Variants in OR9Q1 observed in about 807,000 individuals in gnomAD.
The protein encoded by OR9Q1 is olfactory receptor family 9 subfamily Q member 1.
For synonymous variants in OR9Q1, 153 were observed against 148.6 expected (o/e 1.03, Z -0.22); for missense variants, 374 against 378.8 (o/e 0.99, Z 0.11).
chr11:58,106,323 G>T (rs996715923), intron 2 of OR9Q1, among the ~76,000 whole-genome samples: 2 of 151,760 alleles, frequency 1.3e-5, no homozygotes, highest in African/African-American at 2.4e-5. Context: ...CAGTTCCTTT[G>T]TCCATTTTTT....
In OR9Q1 at chr11:58,154,057, G is replaced by C. The variant is rs140662862; in HGVS notation, c.-14-25374G>C. 7.0e-3 allele frequency among the ~76,000 whole-genome samples: 1,063 copies of C among 151,890 alleles called. 11 individuals are homozygous for C. Among genetic ancestry groups the C allele is most frequent in the African/African-American group, 0.019 (771 of 41,388 alleles). The stretch of plus-strand genomic sequence containing the variant: ...ATTTAAAGAAGTGACAATGGAGAGA[G>C]ACAGAGAGGGAGAGAGCGAGAGAAG... On this transcript the variant is annotated intron_variant, in intron 2 of 2. Transcript: ENST00000335397.
At chr11:58,131,331 T>A (rs1316827728) in intron 2 of OR9Q1, among the ~76,000 whole-genome samples, 1 of 152,188 alleles carries the variant, frequency 6.6e-6, no homozygotes, top group Non-Finnish European at 1.5e-5. Context: ...GCTGTTAGTG[T>A]TAGACACAGC....
chr11:58,054,023 G>A (rs1853302530), intron 1 of OR9Q1, among the ~76,000 whole-genome samples: 1 of 152,136 alleles, frequency 6.6e-6, no homozygotes. Flanking sequence ...TATGGGTGGT[G>A]ATGGATGTGT....
At chr11:58,179,018 G>C (rs1796020593) in intron 2 of OR9Q1, among the ~76,000 whole-genome samples, 1 of 147,614 alleles carries the variant, frequency 6.8e-6, no homozygotes, top group South Asian at 2.2e-4. Context: ...AAGAAAGAGA[G>C]AGAGAGAGAG....
rs543051273 is a variant in OR9Q1 at position 58,089,466 on chromosome 11, T to C, written c.-15+33519T>C. On this transcript the variant is annotated intron_variant, in intron 2 of 2. Coordinates refer to ENST00000335397, the MANE Select transcript of OR9Q1 (RefSeq NM_001005212.4). Reference sequence around the variant, plus strand: ...AAGGTCAGATGGCTGTAGATGTGTATGTATGGTGTTAATTCTAAGGTCTCT... The same window carrying C: ...AAGGTCAGATGGCTGTAGATGTGTACGTATGGTGTTAATTCTAAGGTCTCT... Among the ~76,000 whole-genome samples the C allele has an allele frequency of 5.3e-5, 8 of 151,850 alleles. No individual in the cohort carries two copies. In the East Asian group the frequency reaches 1.4e-3, roughly 26 times the overall value.
intron 1 of OR9Q1, chr11:58,031,608 C>T: frequency 6.2e-7 from 1 of 1,613,560 alleles, no homozygotes; most frequent in Non-Finnish European, 8.5e-7. Flanking sequence ...ATGGTCATTG[C>T]TGTGTCCTAT....
At chr11:58,045,843 C>A (rs1853211220) in intron 1 of OR9Q1, among the ~76,000 whole-genome samples, 1 of 152,200 alleles carries the variant, frequency 6.6e-6, no homozygotes, top group South Asian at 2.1e-4. Flanking sequence ...GTGTCTAAAC[C>A]TCAGCACTAC....
intron 2 of OR9Q1, among the ~76,000 whole-genome samples, chr11:58,067,892 A>T (rs534364504): frequency 6.6e-6 from 1 of 152,306 alleles, no homozygotes; most frequent in Admixed American, 6.5e-5. Context: ...GCCACCTGCC[A>T]ACTTGCTGGA....
At chr11:58,142,025 T>A (rs1461418461) in intron 2 of OR9Q1, among the ~76,000 whole-genome samples, 4 of 152,170 alleles carry the variant, frequency 2.6e-5, no homozygotes, top group Non-Finnish European at 4.4e-5. Context: ...TTTCTATTAG[T>A]TGTGGCCAAA....
intron 2 of OR9Q1, chr11:58,117,068 A>C (rs1032526451): frequency 2.6e-5 from 4 of 152,094 alleles, no homozygotes; most frequent in African/African-American, 9.7e-5. Flanking sequence ...TTGGTGATCT[A>C]TTTTGCTTTT....
intron 2 of OR9Q1, among the ~76,000 whole-genome samples, chr11:58,131,162 G>A (rs1365855388): frequency 6.6e-6 from 1 of 152,116 alleles, no homozygotes; most frequent in Admixed American, 6.6e-5. Flanking sequence ...GCAACCTGGG[G>A]AATTTCCCCT....
intron 2 of OR9Q1, among the ~76,000 whole-genome samples, chr11:58,110,067 C>T (rs775098191): frequency 6.6e-6 from 1 of 152,064 alleles, no homozygotes; most frequent in Admixed American, 6.5e-5. Flanking sequence ...CTGCATGACT[C>T]CAGGCAGGGC....
chr11:58,039,762 C>G (rs1198807031), intron 1 of OR9Q1, among the ~76,000 whole-genome samples: 2 of 152,194 alleles, frequency 1.3e-5, no homozygotes, highest in Non-Finnish European at 1.5e-5. Context: ...ATCACAAACT[C>G]TTTGCTAATA....
At chr11:58,111,681 G>A (rs940805928) in intron 2 of OR9Q1, among the ~76,000 whole-genome samples, 3 of 152,226 alleles carry the variant, frequency 2.0e-5, no homozygotes, top group Non-Finnish European at 4.4e-5. Context: ...ACAAAACATG[G>A]CTCATGCCTT....
intron 2 of OR9Q1, among the ~76,000 whole-genome samples, chr11:58,160,510 A>T (rs1284804706): frequency 1.3e-5 from 2 of 152,020 alleles, no homozygotes; most frequent in African/African-American, 2.4e-5. Context: ...CCCAGGCTGG[A>T]GTACAGTGGC....
At position 58,160,421 on chromosome 11, in the gene OR9Q1, T is replaced by C. The variant is rs574776779; in HGVS notation, c.-14-19010T>C. Among the ~76,000 whole-genome samples, 15 of 149,872 alleles carry C rather than the reference T, an allele frequency of 1.0e-4. No individual in the cohort carries two copies. In the East Asian group the frequency reaches 2.8e-3, roughly 28 times the overall value. On this transcript the variant is annotated intron_variant, in intron 2 of 2. Coordinates refer to ENST00000335397, the MANE Select transcript of OR9Q1 (RefSeq NM_001005212.4). ...TCTAAGATGATTCCAAGAATTTTGA[T>C]CTGAATGAGTAGAATATTTGTTGTT...
intron 2 of OR9Q1, among the ~76,000 whole-genome samples, chr11:58,062,803 A>G (rs1307785812): frequency 6.6e-6 from 1 of 152,224 alleles, no homozygotes; most frequent in Non-Finnish European, 1.5e-5. Flanking sequence ...CAATCCTGTC[A>G]ATTAGATGTC....
At chr11:58,042,623 A>T (rs1048292228) in intron 1 of OR9Q1, among the ~76,000 whole-genome samples, 1 of 150,154 alleles carries the variant, frequency 6.7e-6, no homozygotes, top group Non-Finnish European at 1.5e-5. Flanking sequence ...TGACTTGGCG[A>T]TGCGGGCTCT....
intron 2 of OR9Q1, among the ~76,000 whole-genome samples, chr11:58,077,143 G>T (rs1489111657): frequency 1.3e-5 from 2 of 152,146 alleles, no homozygotes; most frequent in South Asian, 4.1e-4. Context: ...TGGAAAACAG[G>T]TTCCAGGAAG....
Sources: allele counts gnomAD v4.1 joint callset (sites outside exome capture counted in the v4.1 genomes callset), GRCh38; gene constraint gnomAD v4.1.1; transcripts MANE v1.5; gene names NCBI Gene and HGNC (gene_info 2026-07-23, HGNC 2026-07-21).